Variants in ZDHHC2 observed in about 807,000 individuals in gnomAD.
ZDHHC2 encodes the protein zDHHC palmitoyltransferase 2, also known as palmitoyltransferase ZDHHC2.
ZDHHC2 carries 51 observed loss-of-function variants against 55.6 expected under a neutral mutation model. The observed-to-expected ratio is 0.92, with a 90% CI of 0.73 to 1.16. The LOEUF (loss-of-function observed/expected upper bound fraction) is 1.16, where lower values mean the gene tolerates loss of function less well. Ranked by LOEUF, ZDHHC2 falls within the 50% of genes most tolerant of loss-of-function variation. The probability of loss-of-function intolerance (pLI) is 0.00; values close to 1 mark genes in which losing one functional copy is unlikely to be tolerated. For synonymous variants in ZDHHC2, 199 were observed against 152.9 expected, an observed-to-expected ratio of 1.30 and a Z score of -2.22; for missense variants, 491 against 442.4, an observed-to-expected ratio of 1.11 and a Z score of -0.99.
At position 17,197,641 on chromosome 8, in the gene ZDHHC2, G is replaced by A. The variant is rs374897759; in HGVS notation, c.433G>A (p.Val145Ile). 2.9e-5 allele frequency: 47 copies of A among 1,613,244 alleles called. No homozygotes were observed. In the East Asian group the frequency reaches 3.1e-4, roughly 11 times the overall value. Reference protein sequence around the residue: ...IKPDRCHHCSVCDKCILKMDH... With the variant: ...IKPDRCHHCSICDKCILKMDH... ...ACCAGATCGCTGCCATCACTGCTCC[G>A]TCTGTGATAAGTAAGAGAACCTTTA... Residue 145 changes from valine (V) to isoleucine (I), a missense_variant, in exon 5 of 13, where the codon GTC becomes ATC. Coordinates refer to ENST00000262096, the MANE Select transcript of ZDHHC2 (RefSeq NM_016353.5).
intron 7 of ZDHHC2, among the ~76,000 whole-genome samples, chr8:17,207,643 T>G (rs906469268): frequency 6.6e-6 from 1 of 152,202 alleles, no homozygotes; most frequent in South Asian, 2.1e-4. Flanking sequence ...AAACTACATT[T>G]TATAGTTCCA....
At chr8:17,216,032 A>C (rs1041509923) in intron 11 of ZDHHC2, among the ~76,000 whole-genome samples, 1 of 152,178 alleles carries the variant, frequency 6.6e-6, no homozygotes, top group Non-Finnish European at 1.5e-5. Flanking sequence ...CAATATTGAT[A>C]AGGAGTAGAC....
intron 1 of ZDHHC2, among the ~76,000 whole-genome samples, chr8:17,166,913 G>T (rs1319677422): frequency 6.6e-6 from 1 of 152,106 alleles, no homozygotes; most frequent in Non-Finnish European, 1.5e-5. Flanking sequence ...AAAGAATCTC[G>T]TATACCAGTG....
Position 17,156,847 on chromosome 8 carries a change from T to A in ZDHHC2, c.124T>A (p.Cys42Ser), listed in dbSNP as rs761393348. The A allele has an allele frequency of 6.7e-7, 1 of 1,500,794 alleles. No individual in the cohort carries two copies. Among genetic ancestry groups the A allele is most frequent in the South Asian group, 1.3e-5 (1 of 79,812 alleles). The allele number at this position is 1,500,794 out of a possible 1,614,324, so 93.0% of individuals were successfully genotyped here. ...CTACTACGCCTACGCCATCCAGCTG[T>A]GCATAGGTGAGTGCGCCCCCCGCCG... is the stretch of plus-strand genomic sequence containing the variant. ...WSYYAYAIQL[C>S]IVSMENTGEQ... Residue 42 changes from cysteine to serine, a missense_variant, in exon 1 of 13, where the codon TGC becomes AGC. Physicochemically the swap from Cys to Ser is moderately radical, Grantham distance 112. Transcript: ENST00000262096.
At chr8:17,177,655 A>G (rs1805211289) in intron 1 of ZDHHC2, among the ~76,000 whole-genome samples, 1 of 152,182 alleles carries the variant, frequency 6.6e-6, no homozygotes, top group South Asian at 2.1e-4. Context: ...ATGTTTCTCA[A>G]TAAATGAGTT....
chr8:17,204,945 G>A (rs994350108), intron 6 of ZDHHC2, among the ~76,000 whole-genome samples: 1 of 152,132 alleles, frequency 6.6e-6, no homozygotes, highest in Non-Finnish European at 1.5e-5. Flanking sequence ...CTCAGATAAC[G>A]ACTTTGGAGT....
At chr8:17,197,305 A>G (rs1806367098) in intron 4 of ZDHHC2, among the ~76,000 whole-genome samples, 1 of 152,204 alleles carries the variant, frequency 6.6e-6, no homozygotes, top group Admixed American at 6.5e-5. Context: ...ACATATTTGT[A>G]CCCTTTGTGA....
At chr8:17,200,057 C>T (rs965625810) in intron 6 of ZDHHC2, among the ~76,000 whole-genome samples, 19 of 152,092 alleles carry the variant, frequency 1.2e-4, no homozygotes, top group Admixed American at 2.6e-4. Context: ...GCCTGGCCAA[C>T]GTCTTCTTAA....
intron 1 of ZDHHC2, among the ~76,000 whole-genome samples, chr8:17,180,802 T>G (rs571430309): frequency 6.6e-5 from 10 of 152,320 alleles, no homozygotes; most frequent in African/African-American, 2.2e-4. Flanking sequence ...GCTATTATGC[T>G]TAGTAATAAT....
At chr8:17,206,248 A>G (rs776586859) in intron 7 of ZDHHC2, among the ~76,000 whole-genome samples, 1 of 152,224 alleles carries the variant, frequency 6.6e-6, no homozygotes, top group Non-Finnish European at 1.5e-5. Flanking sequence ...TGGAGAAAAT[A>G]GGTGTATTAG....
chr8:17,184,232 G>A (rs1475375843), intron 1 of ZDHHC2, among the ~76,000 whole-genome samples: 1 of 152,188 alleles, frequency 6.6e-6, no homozygotes, highest in Non-Finnish European at 1.5e-5. Context: ...ATTTACAACA[G>A]CCGCTGAGGA....
intron 1 of ZDHHC2, among the ~76,000 whole-genome samples, chr8:17,183,440 C>T (rs982308670): frequency 2.0e-5 from 3 of 152,222 alleles, no homozygotes; most frequent in Non-Finnish European, 4.4e-5. Context: ...AAAGCAAACT[C>T]TGACTAGCCT....
chr8:17,172,997 G>C (rs1252379106), intron 1 of ZDHHC2, among the ~76,000 whole-genome samples: 1 of 152,228 alleles, frequency 6.6e-6, no homozygotes, highest in African/African-American at 2.4e-5. Flanking sequence ...TATGTTTGCA[G>C]AGGTTTTAAG....
intron 1 of ZDHHC2, among the ~76,000 whole-genome samples, chr8:17,161,752 G>T (rs554353326): frequency 3.9e-5 from 6 of 151,984 alleles, no homozygotes; most frequent in African/African-American, 9.7e-5. Flanking sequence ...ACAGCTGCTC[G>T]GGAGGCTAAG....
At chr8:17,178,406 C>T (rs75914563) in intron 1 of ZDHHC2, among the ~76,000 whole-genome samples, 1 of 152,048 alleles carries the variant, frequency 6.6e-6, no homozygotes. Context: ...TATACACATA[C>T]ACACACATCC....
At chr8:17,183,273 A>G (rs528069086) in intron 1 of ZDHHC2, among the ~76,000 whole-genome samples, 4 of 152,320 alleles carry the variant, frequency 2.6e-5, no homozygotes, top group East Asian at 3.9e-4. Context: ...TTTGATCCAG[A>G]AAAGAGTTGT....
At chr8:17,211,711 G>C (rs896272209) in intron 10 of ZDHHC2, among the ~76,000 whole-genome samples, 1 of 152,090 alleles carries the variant, frequency 6.6e-6, no homozygotes, top group Non-Finnish European at 1.5e-5. Flanking sequence ...CCTAGAGTGA[G>C]CTATGTACAG....
intron 1 of ZDHHC2, among the ~76,000 whole-genome samples, chr8:17,175,283 A>T (rs1415216353): frequency 6.6e-6 from 1 of 152,154 alleles, no homozygotes; most frequent in African/African-American, 2.4e-5. Context: ...TGGGAGACGT[A>T]GGGCAAAAGT....
At chr8:17,195,023 C>A (rs151199816) in intron 3 of ZDHHC2, among the ~76,000 whole-genome samples, 1 of 152,152 alleles carries the variant, frequency 6.6e-6, no homozygotes, top group East Asian at 1.9e-4. Flanking sequence ...AATAATTAGA[C>A]CCTTTAGAAG....
Sources: allele counts gnomAD v4.1 joint callset (sites outside exome capture counted in the v4.1 genomes callset), GRCh38; gene constraint gnomAD v4.1.1; transcripts MANE v1.5; gene names NCBI Gene and HGNC (gene_info 2026-07-23, HGNC 2026-07-21).